The following ANO4 variants were observed in gnomAD, a reference collection of about 807,000 sequenced individuals.
ANO4 encodes the protein anoctamin-4.
In ANO4, 69 loss-of-function variants were observed where a neutral mutation model predicts 141.9. The observed-to-expected ratio is 0.49, with a 90% CI of 0.40 to 0.59. The LOEUF is 0.59. ANO4 is among the 20% of genes least tolerant of loss of function. The probability of loss-of-function intolerance (pLI) is 0.00; values close to 1 mark genes in which losing one functional copy is unlikely to be tolerated. For missense variants in ANO4, 894 were observed against 1,162.2 expected, an observed-to-expected ratio of 0.77 and a Z score of 3.36; for synonymous variants, 350 against 394.3, an observed-to-expected ratio of 0.89 and a Z score of 1.33.
At chr12:100,954,308 G>C (rs2043091860) in intron 5 of ANO4, among the ~76,000 whole-genome samples, 1 of 152,180 alleles carries the variant, frequency 6.6e-6, no homozygotes, top group African/African-American at 2.4e-5. Flanking sequence ...AAGCACCACA[G>C]CAGCAGGTCA....
At chr12:100,981,544 C>T (rs995382890) in intron 7 of ANO4, among the ~76,000 whole-genome samples, 1 of 151,956 alleles carries the variant, frequency 6.6e-6, no homozygotes, top group Non-Finnish European at 1.5e-5. Context: ...CTGTAGGTTC[C>T]CTCTAGGCAT....
At chr12:100,961,275 G>A (rs1321720931) in intron 5 of ANO4, among the ~76,000 whole-genome samples, 4 of 152,200 alleles carry the variant, frequency 2.6e-5, no homozygotes, top group Admixed American at 6.5e-5. Context: ...ATAGATCTAA[G>A]AAGGTGATGG....
At chr12:100,809,113 A>G (rs2035238964) in intron 1 of ANO4, among the ~76,000 whole-genome samples, 1 of 152,148 alleles carries the variant, frequency 6.6e-6, no homozygotes, top group Admixed American at 6.5e-5. Context: ...AATTATAATA[A>G]TATAAGGTAA....
chr12:101,085,733 A>G (rs2049465432), intron 16 of ANO4, among the ~76,000 whole-genome samples: 1 of 152,186 alleles, frequency 6.6e-6, no homozygotes, highest in African/African-American at 2.4e-5. Context: ...GTCTGTGTGA[A>G]TATCAGATTA....
At chr12:100,927,143 G>T (rs940722452) in intron 3 of ANO4, among the ~76,000 whole-genome samples, 2 of 152,122 alleles carry the variant, frequency 1.3e-5, no homozygotes, top group Non-Finnish European at 2.9e-5. Context: ...GTGTGTCTTG[G>T]ACACCTGACT....
At chr12:100,763,941 A>G (rs550421560) in intron 3 of ANO4, among the ~76,000 whole-genome samples, 38 of 152,124 alleles carry the variant, frequency 2.5e-4, no homozygotes, top group South Asian at 1.7e-3. Flanking sequence ...TCAAAGACCA[A>G]CTGTTATGTA....
chr12:100,932,332 T>G (rs1292900878), intron 3 of ANO4, among the ~76,000 whole-genome samples: 1 of 152,066 alleles, frequency 6.6e-6, no homozygotes, highest in African/African-American at 2.4e-5. Context: ...TCTTACTGTC[T>G]TCTAGGCTAT....
chr12:101,025,552 A>G (rs115291901), intron 9 of ANO4, among the ~76,000 whole-genome samples: 1,670 of 152,362 alleles, frequency 0.011, 23 homozygotes, highest in African/African-American at 0.038. Flanking sequence ...CAGTGCATAC[A>G]TGTCCGGAGA....
At chr12:100,997,273 G>T (rs2045426655) in intron 8 of ANO4, among the ~76,000 whole-genome samples, 1 of 147,832 alleles carries the variant, frequency 6.8e-6, no homozygotes, top group South Asian at 2.1e-4. Context: ...GGCGGAGGTT[G>T]CAGTGAGCCG....
chr12:100,781,509 A>T (rs2033710146), intron 3 of ANO4, among the ~76,000 whole-genome samples: 1 of 152,140 alleles, frequency 6.6e-6, no homozygotes, highest in Non-Finnish European at 1.5e-5. Flanking sequence ...TTCTGGTTAT[A>T]CCTTGTCTAG....
At chr12:101,010,189 C>T (rs1321379782) in intron 8 of ANO4, among the ~76,000 whole-genome samples, 1 of 152,138 alleles carries the variant, frequency 6.6e-6, no homozygotes, top group Non-Finnish European at 1.5e-5. Flanking sequence ...TAAACATACA[C>T]ACCCACTATG....
intron 22 of ANO4, among the ~76,000 whole-genome samples, chr12:101,105,310 A>G (rs1454706309): frequency 6.6e-6 from 1 of 152,244 alleles, no homozygotes; most frequent in Non-Finnish European, 1.5e-5. Context: ...AGAAAAGAAC[A>G]TCACTGAAAG....
At chr12:101,123,853 T>A (rs2051196892) in intron 26 of ANO4, among the ~76,000 whole-genome samples, 1 of 152,208 alleles carries the variant, frequency 6.6e-6, no homozygotes, top group South Asian at 2.1e-4. Flanking sequence ...TGGTATGAGA[T>A]AATATTTCAT....
At chr12:101,053,908 C>A (rs553803792) in intron 14 of ANO4, among the ~76,000 whole-genome samples, 3 of 152,306 alleles carry the variant, frequency 2.0e-5, no homozygotes, top group Non-Finnish European at 4.4e-5. Flanking sequence ...GAGTTATAAT[C>A]CGGGAAGGGA....
intron 3 of ANO4, among the ~76,000 whole-genome samples, chr12:100,745,647 G>A (rs1481165229): frequency 6.6e-6 from 1 of 152,070 alleles, no homozygotes; most frequent in Non-Finnish European, 1.5e-5. Context: ...AGAAGGAGAA[G>A]GTTGAAATGT....
chr12:100,730,916 C>G (rs148975981), intron 1 of ANO4, among the ~76,000 whole-genome samples: 1 of 152,220 alleles, frequency 6.6e-6, no homozygotes, highest in African/African-American at 2.4e-5. Flanking sequence ...TCTCTGTCCT[C>G]TGGCTTGCCA....
At chr12:100,913,213 T>G (rs539263439) in intron 2 of ANO4, among the ~76,000 whole-genome samples, 48 of 152,332 alleles carry the variant, frequency 3.2e-4, no homozygotes, top group African/African-American at 1.1e-3. Flanking sequence ...TGAAAAATCA[T>G]TTTACAACCT....
At chr12:101,075,698 A>G (rs1388075871) in intron 14 of ANO4, among the ~76,000 whole-genome samples, 1 of 124,914 alleles carries the variant, frequency 8.0e-6, no homozygotes, top group South Asian at 2.8e-4. Flanking sequence ...AAAGATACAT[A>G]TATCTTTATA....
chr12:100,931,926 C>G (rs988948455), intron 3 of ANO4, among the ~76,000 whole-genome samples: 2 of 151,656 alleles, frequency 1.3e-5, no homozygotes, highest in African/African-American at 4.8e-5. Flanking sequence ...ATAAAACAAT[C>G]TGGTAAGTGT....
Sources: gnomAD v4.1 joint callset for allele counts (sites outside exome capture counted in the v4.1 genomes callset) on GRCh38, gnomAD v4.1.1 for gene constraint, MANE v1.5 for transcripts, NCBI Gene and HGNC (gene_info 2026-07-23, HGNC 2026-07-21) for gene names.